The following SDK1 variants were observed in gnomAD, a reference collection of about 807,000 sequenced individuals.
The protein encoded by SDK1 is sidekick cell adhesion molecule 1.
Under a neutral mutation model 245.5 loss-of-function variants are expected in SDK1, and 157 were observed. The ratio of observed to expected loss-of-function variants is 0.64; its 90% CI spans 0.56 to 0.73. The LOEUF (loss-of-function observed/expected upper bound fraction) is 0.73. Among genes scored for constraint, SDK1 ranks in the 30% least tolerant of loss-of-function variants. The probability of loss-of-function intolerance (pLI) is 0.00; values close to 1 mark genes in which losing one functional copy is unlikely to be tolerated. For missense variants in SDK1, 3,583 were observed against 3,002.3 expected, an observed-to-expected ratio of 1.19 and a Z score of -4.52; for synonymous variants, 1,647 against 1,278.5, an observed-to-expected ratio of 1.29 and a Z score of -6.15.
At chr7:3,780,274 G>A (rs1780692105) in intron 4 of SDK1, among the ~76,000 whole-genome samples, 1 of 152,200 alleles carries the variant, frequency 6.6e-6, no homozygotes, top group Non-Finnish European at 1.5e-5. Flanking sequence ...GAGAACCAGA[G>A]GCAGTCATCT....
rs774410950 is a variant in SDK1 at position 4,175,815 on chromosome 7, G to A, written c.4977G>A (p.Ser1659=). The stretch of plus-strand genomic sequence containing the variant: ...AGACGGTGAACAGCAGCTCCACATC[G>A]ACGATGTGTGAACTAACACGTAAGT... The part of the protein sequence containing the change: ...SFKTVNSSST[S]TMCELTHLKK... Residue 1659 remains serine, a synonymous_variant, in exon 34 of 45, where the codon TCG becomes TCA. Transcript: ENST00000404826. The A allele has an allele frequency of 1.4e-4, 218 of 1,613,686 alleles. 4 individuals are homozygous for A. In the South Asian group the frequency reaches 1.9e-3, roughly 14 times the overall value.
At chr7:3,799,773 A>G (rs1779061460) in intron 4 of SDK1, among the ~76,000 whole-genome samples, 1 of 150,602 alleles carries the variant, frequency 6.6e-6, no homozygotes, top group Non-Finnish European at 1.5e-5. Flanking sequence ...ACTTCTCTCT[A>G]CCCTTGCCTG....
intron 1 of SDK1, among the ~76,000 whole-genome samples, chr7:3,518,697 C>T (rs1013581205): frequency 1.3e-5 from 2 of 151,804 alleles, no homozygotes; most frequent in Non-Finnish European, 2.9e-5. Flanking sequence ...GGCAATGATA[C>T]GGAGAAAAGG....
At chr7:3,902,261 C>T (rs1053185753) in intron 5 of SDK1, among the ~76,000 whole-genome samples, 4 of 152,176 alleles carry the variant, frequency 2.6e-5, no homozygotes, top group Admixed American at 6.5e-5. Flanking sequence ...TCCAGTTCAT[C>T]ATCACAGGGT....
At chr7:3,787,668 T>C (rs1780947898) in intron 4 of SDK1, among the ~76,000 whole-genome samples, 1 of 152,198 alleles carries the variant, frequency 6.6e-6, no homozygotes, top group African/African-American at 2.4e-5. Context: ...GAGCCCTACC[T>C]GTCCTTTCCT....
intron 1 of SDK1, among the ~76,000 whole-genome samples, chr7:3,580,758 A>G (rs1435716870): frequency 2.0e-5 from 3 of 152,028 alleles, no homozygotes; most frequent in Middle Eastern, 3.2e-3. Context: ...CATGAGGTCA[A>G]GAGATTGAGA....
chr7:3,637,086 CGTGTGT>C (rs57931328), intron 2 of SDK1, among the ~76,000 whole-genome samples: 14 of 148,276 alleles, frequency 9.4e-5, no homozygotes, highest in East Asian at 2.2e-4. Flanking sequence ...TGCGTGCGCG[CGTGTGT>C]GTGTGTGTGT....
At position 4,265,721 on chromosome 7, in the gene SDK1, A is replaced by G. The variant is rs998245193; in HGVS notation, c.*337A>G. 11 of 1,085,450 alleles carry G rather than the reference A, an allele frequency of 1.0e-5. No homozygotes were observed. The highest frequency in any genetic ancestry group is 1.2e-5 in the Non-Finnish European group (11 of 898,138). 67.2% of individuals were successfully genotyped at this position (1,085,450 alleles called of 1,614,324 possible). Reference sequence around the variant, plus strand: ...GGTTTCTCCGTCTTCAAGACCAACTAGGAAGGGTCAAGCGGGGAGAGGGAG... The same window carrying G: ...GGTTTCTCCGTCTTCAAGACCAACTGGGAAGGGTCAAGCGGGGAGAGGGAG... On this transcript the variant is annotated 3_prime_UTR_variant, in exon 45 of 45. Coordinates refer to ENST00000404826, the MANE Select transcript of SDK1 (RefSeq NM_152744.4).
intron 1 of SDK1, among the ~76,000 whole-genome samples, chr7:3,582,320 CT>C (rs1780527922): frequency 1.3e-5 from 2 of 148,412 alleles, no homozygotes; most frequent in African/African-American, 5.1e-5. Context: ...GTAGGTCTGT[CT>C]CAGGTAGGTC....
intron 1 of SDK1, among the ~76,000 whole-genome samples, chr7:3,508,295 C>G (rs1188996750): frequency 1.3e-5 from 2 of 151,138 alleles, no homozygotes; most frequent in Non-Finnish European, 2.9e-5. Flanking sequence ...ACTCTTTCCT[C>G]TCTGACATCA....
chr7:4,253,502 A>T (rs1318551319), intron 44 of SDK1, among the ~76,000 whole-genome samples: 1 of 152,164 alleles, frequency 6.6e-6, no homozygotes, highest in African/African-American at 2.4e-5. Flanking sequence ...ACCATAATTT[A>T]TATATTTTCA....
chr7:3,301,859 G>C lies in SDK1; in HGVS notation c.273G>C (p.Leu91=). The change falls in exon 1 of 45, where the codon CTG becomes CTC. Residue 91 remains leucine (L), a synonymous_variant. Transcript: ENST00000404826. The stretch of plus-strand genomic sequence containing the variant: ...GGTGGGCGCTGCTGGCGCTGCAGCT[G>C]CACTTGCTCCGGGCGCTGGCGCAAG... The part of the protein sequence containing the change: ...RGWWALLALQ[L]HLLRALAQDD... 1 of 1,135,700 alleles carries C rather than the reference G, an allele frequency of 8.8e-7. No individual in the cohort carries two copies. The highest frequency in any genetic ancestry group is 1.1e-6 in the Non-Finnish European group (1 of 927,030). The allele number at this position is 1,135,700 out of a possible 1,614,324, so 70.4% of individuals were successfully genotyped here. A position where few individuals can be genotyped will look rare whatever the true frequency, so the allele number is the denominator to read the frequency against.
chr7:4,100,185 C>T (rs575411842), intron 22 of SDK1, among the ~76,000 whole-genome samples: 3 of 152,136 alleles, frequency 2.0e-5, no homozygotes, highest in Non-Finnish European at 2.9e-5. Context: ...GTCCCTGTTT[C>T]CCCTTGAGAG....
At chr7:4,265,073 CG>C in intron 44 of SDK1, 50 bp from the exon 45 acceptor site, 2 of 1,510,426 alleles carry the variant, frequency 1.3e-6, no homozygotes, top group African/African-American at 1.4e-5. Flanking sequence ...CAGCACGCTC[CG>C]GGCCCTGCGC....
intron 43 of SDK1, among the ~76,000 whole-genome samples, chr7:4,244,894 G>A (rs1786752227): frequency 1.3e-5 from 2 of 152,192 alleles, no homozygotes; most frequent in South Asian, 4.1e-4. Context: ...CCCTGCCATG[G>A]GGTCCTCTCC....
At chr7:4,069,938 A>G (rs770041092) in intron 20 of SDK1, among the ~76,000 whole-genome samples, 4 of 152,136 alleles carry the variant, frequency 2.6e-5, no homozygotes, top group African/African-American at 4.8e-5. Context: ...TGCAGCGTTG[A>G]TGTGGTGGGG....
chr7:4,141,898 A>C (rs573344790), intron 28 of SDK1, among the ~76,000 whole-genome samples: 1 of 152,258 alleles, frequency 6.6e-6, no homozygotes, highest in Admixed American at 6.5e-5. Context: ...TTGGCATTAC[A>C]GGCACCTGCC....
chr7:3,838,768 G>C (rs901804706), intron 5 of SDK1, among the ~76,000 whole-genome samples: 4 of 152,174 alleles, frequency 2.6e-5, no homozygotes, highest in African/African-American at 9.7e-5. Context: ...CTCACTAGGA[G>C]ACCATGCAGT....
chr7:3,508,450 C>T (rs991230632), intron 1 of SDK1, among the ~76,000 whole-genome samples: 14 of 151,644 alleles, frequency 9.2e-5, no homozygotes, highest in African/African-American at 3.4e-4. Context: ...GCCTCAGCCT[C>T]CTGAGTAGCT....
Sources: allele counts gnomAD v4.1 joint callset (sites outside exome capture counted in the v4.1 genomes callset), GRCh38; gene constraint gnomAD v4.1.1; transcripts MANE v1.5; gene names NCBI Gene and HGNC (gene_info 2026-07-23, HGNC 2026-07-21).